CHD7: variants seen among roughly 807,000 people sequenced by gnomAD.
CHD7 encodes chromodomain helicase DNA binding protein 7, also known as ATP-dependent chromatin remodeler CHD7.
In CHD7, 24 loss-of-function variants were observed where a neutral mutation model predicts 307.3. That is an observed-to-expected ratio of 0.08 (90% confidence interval 0.06 to 0.11). The LOEUF (loss-of-function observed/expected upper bound fraction) is 0.11, where lower values mean the gene tolerates loss of function less well. CHD7 is among the 10% of genes least tolerant of loss of function. CHD7 has a pLI of 1.00. For missense variants in CHD7, 3,106 were observed against 3,727.1 expected, an observed-to-expected ratio of 0.83 and a Z score of 4.34; for synonymous variants, 1,363 against 1,349.9, an observed-to-expected ratio of 1.01 and a Z score of -0.21.
intron 26 of CHD7, 26 bp from the exon 27 acceptor site, chr8:60,851,006 A>G (rs1327432651): frequency 6.6e-7 from 1 of 1,504,166 alleles, no homozygotes; most frequent in Non-Finnish European, 9.0e-7. Flanking sequence ...TATGATTCAA[A>G]TAATTTTTGT....
At position 60,865,244 on chromosome 8, in the gene CHD7, C is replaced by G; in HGVS notation, c.8305C>G (p.Leu2769Val). 6.2e-7 allele frequency: 1 copy of G among 1,607,520 alleles called. No individual in the cohort carries two copies. Among genetic ancestry groups the G allele is most frequent in the East Asian group, 2.2e-5 (1 of 44,656 alleles). Residue 2769 changes from leucine to valine, a missense_variant, in exon 38 of 38, where the codon CTG (leucine) becomes GTG (valine). Physicochemically the swap from Leu to Val is conservative, Grantham distance 32. Coordinates refer to ENST00000423902, the MANE Select transcript of CHD7 (RefSeq NM_017780.4). The surrounding 1 kb of genome is among the most constrained non-coding windows in gnomAD (Gnocchi z 4.3). ...QNLQNLQSLQLAGLMGFPPGL... is the reference protein window; with the variant it reads ...QNLQNLQSLQVAGLMGFPPGL... ...TCTCCAGAATCTCCAGTCGCTCCAGCTGGCAGGCCTCATGGGCTTCCCTCC... is the reference window on the plus strand; with the variant it reads ...TCTCCAGAATCTCCAGTCGCTCCAGGTGGCAGGCCTCATGGGCTTCCCTCC...
At chr8:60,688,988 T>G (rs138980691) in intron 1 of CHD7, among the ~76,000 whole-genome samples, 2,080 of 152,098 alleles carry the variant, frequency 0.014, 21 homozygotes, top group Non-Finnish European at 0.021. Context: ...TGGGTTGGGG[T>G]CAGGGATGTG....
At position 60,856,694 on chromosome 8, in the gene CHD7, A is replaced by G. The variant is rs372546969; in HGVS notation, c.7414A>G (p.Thr2472Ala). 50 of 1,613,918 alleles carry G rather than the reference A, an allele frequency of 3.1e-5. No individual in the cohort carries two copies. The highest frequency in any genetic ancestry group is 4.1e-5 in the Non-Finnish European group (48 of 1,179,898). Residue 2472 changes from threonine (T) to alanine (A), a missense_variant, in exon 34 of 38, where the codon ACA becomes GCA. Around this residue, in one of 10 missense-constraint regions of CHD7, gnomAD observed 1,030 missense variants for 1,165.4 expected, o/e 0.88. Transcript: ENST00000423902. ...AAAGTTTATCTTGCCTAATGTCTCAACACCAGTGTCTGATGCCTTTAAGAC... is the reference window on the plus strand; with the variant it reads ...AAAGTTTATCTTGCCTAATGTCTCAGCACCAGTGTCTGATGCCTTTAAGAC... The part of the protein sequence containing the change: ...SSKFILPNVS[T>A]PVSDAFKTQM...
At chr8:60,845,549 T>G (rs1805169173) in intron 23 of CHD7, 140 bp downstream of exon 23, 1 of 893,318 alleles carries the variant, frequency 1.1e-6, no homozygotes, top group African/African-American at 1.7e-5. Flanking sequence ...CATCTGCGGA[T>G]CTTGGTGTCT....
chr8:60,680,484 C>T (rs978242044), intron 1 of CHD7, among the ~76,000 whole-genome samples: 6 of 150,988 alleles, frequency 4.0e-5, no homozygotes, highest in Admixed American at 4.0e-4. Context: ...AAGGAGCCGC[C>T]GGCCCCGAGC....
chr8:60,720,924 T>C (rs1169009625), intron 1 of CHD7, among the ~76,000 whole-genome samples: 1 of 152,232 alleles, frequency 6.6e-6, no homozygotes, highest in Non-Finnish European at 1.5e-5. Flanking sequence ...CCCTTTTCTA[T>C]GGGAGTCCCT....
At chr8:60,728,491 G>A (rs980783714) in intron 1 of CHD7, among the ~76,000 whole-genome samples, 1 of 152,192 alleles carries the variant, frequency 6.6e-6, no homozygotes, top group African/African-American at 2.4e-5. Context: ...ACCGTGTCTG[G>A]CATTGGGGGT....
chr8:60,761,674 G>A (rs1190599990), intron 2 of CHD7, among the ~76,000 whole-genome samples: 1 of 151,694 alleles, frequency 6.6e-6, no homozygotes, highest in Admixed American at 6.6e-5. Context: ...CTGCCAGACA[G>A]CAGAGGTCTT....
intron 1 of CHD7, among the ~76,000 whole-genome samples, chr8:60,698,246 A>G (rs1251144136): frequency 6.6e-6 from 1 of 152,230 alleles, no homozygotes; most frequent in Non-Finnish European, 1.5e-5. Flanking sequence ...ACTCAGCAAT[A>G]CAAAGCAGGG....
intron 13 of CHD7, 139 bp downstream of exon 13, chr8:60,824,155 C>A: frequency 1.3e-6 from 1 of 759,156 alleles, no homozygotes; most frequent in Non-Finnish European, 2.1e-6. Flanking sequence ...CTGGCACTTT[C>A]AGTTATTCAA....
chr8:60,759,858 T>C (rs1467648080), intron 2 of CHD7, among the ~76,000 whole-genome samples: 1 of 152,210 alleles, frequency 6.6e-6, no homozygotes, highest in Non-Finnish European at 1.5e-5. Flanking sequence ...CTGGGTCTTA[T>C]TGAGGTCATT....
rs2150810128 is a variant in CHD7, at chr8:60,853,052, C to T, written c.6327C>T (p.Val2109=). The T allele has an allele frequency of 1.2e-6, 2 of 1,613,958 alleles. No individual in the cohort carries two copies. Among genetic ancestry groups the T allele is most frequent in the Non-Finnish European group, 1.7e-6 (2 of 1,179,882 alleles). Residue 2109 remains valine, a synonymous_variant, in exon 31 of 38, where the codon GTC becomes GTT. Transcript: ENST00000423902. ...TGGTTGGTGCTGCTAAACACGGGGTCAGTCGGACGGATTATCACATCCTCA... is the reference window on the plus strand; with the variant it reads ...TGGTTGGTGCTGCTAAACACGGGGTTAGTCGGACGGATTATCACATCCTCA... ...DLLVGAAKHG[V]SRTDYHILND...
At chr8:60,778,503 T>C (rs1333017307) in intron 2 of CHD7, among the ~76,000 whole-genome samples, 2 of 152,216 alleles carry the variant, frequency 1.3e-5, no homozygotes, top group East Asian at 1.9e-4. Flanking sequence ...GTGTTATATG[T>C]TTTATGCTTT....
chr8:60,737,592 CGTT>C lies in CHD7; in HGVS notation c.-174-3664_-174-3662del, dbSNP rs1455771323. Among the ~76,000 whole-genome samples the C allele has an allele frequency of 2.0e-5, 3 of 152,050 alleles. 1 individual carries two copies. Among genetic ancestry groups the C allele is most frequent in the South Asian group, 4.1e-4 (2 of 4,824 alleles). On this transcript the variant is annotated intron_variant, in intron 1 of 37. Transcript: ENST00000423902. Reference sequence around the variant, plus strand: ...GATGATTCTGTTAGTTGAGTGGTCTCGTTGTGACCCCTCCTCACCCCCAAACAC... The same window carrying C: ...GATGATTCTGTTAGTTGAGTGGTCTCGTGACCCCTCCTCACCCCCAAACAC...
chr8:60,735,252 A>T (rs1350647740), intron 1 of CHD7, among the ~76,000 whole-genome samples: 1 of 152,176 alleles, frequency 6.6e-6, no homozygotes, highest in Non-Finnish European at 1.5e-5. Context: ...GAAGAGGTGG[A>T]TGGAGATGGT....
intron 1 of CHD7, among the ~76,000 whole-genome samples, chr8:60,708,843 T>A (rs1807144053): frequency 6.6e-6 from 1 of 152,226 alleles, no homozygotes; most frequent in Non-Finnish European, 1.5e-5. Flanking sequence ...ATATTGTCCT[T>A]TCATTCTAGT....
intron 1 of CHD7, among the ~76,000 whole-genome samples, chr8:60,722,513 C>G (rs1299906774): frequency 2.6e-5 from 4 of 152,042 alleles, no homozygotes; most frequent in Non-Finnish European, 4.4e-5. Context: ...ACATGAGAAC[C>G]CCAAAGAGCT....
At chr8:60,822,264 C>A in intron 11 of CHD7, 119 bp downstream of exon 11, 1 of 862,204 alleles carries the variant, frequency 1.2e-6, no homozygotes, top group Non-Finnish European at 1.7e-6. Context: ...TTTCAAAAAA[C>A]AAGCATTGAA....
Position 60,856,751 on chromosome 8 carries a change from C to T in CHD7, c.7471C>T (p.Arg2491Cys), listed in dbSNP as rs755492299. ...QMELLQAGLS[R>C]TPTRHLLNGS... is the part of the protein sequence containing the mutation. ...GGAACTGCTCCAAGCAGGCCTTTCG[C>T]GCACACCCACAAGGCATCTCCTTAA... is the stretch of plus-strand genomic sequence containing the variant. The change falls in exon 34 of 38, where the codon CGC (arginine) becomes TGC (cysteine). Residue 2491 changes from arginine to cysteine, a missense_variant. By Grantham distance (180) the Arg-to-Cys change is radical. Around this residue, in one of 10 missense-constraint regions of CHD7, gnomAD observed 1,030 missense variants for 1,165.4 expected, o/e 0.88. Transcript: ENST00000423902. The T allele has an allele frequency of 1.8e-5, 29 of 1,614,036 alleles. No individual in the cohort carries two copies. Among genetic ancestry groups the T allele is most frequent in the Middle Eastern group, 1.6e-4 (1 of 6,062 alleles).
Sources: allele counts gnomAD v4.1 joint callset (sites outside exome capture counted in the v4.1 genomes callset), GRCh38; gene constraint gnomAD v4.1.1; regional missense constraint gnomAD v4.1.1; non-coding constraint Gnocchi (gnomAD v3.1); transcripts MANE v1.5; gene names NCBI Gene and HGNC (gene_info 2026-07-23, HGNC 2026-07-21).